The following DPP10 variants were observed in gnomAD, a reference collection of about 807,000 sequenced individuals.
DPP10 encodes the protein inactive dipeptidyl peptidase 10.
Under a neutral mutation model 120.9 loss-of-function variants are expected in DPP10, and 33 were observed. The observed-to-expected ratio is 0.27, with a 90% confidence interval of 0.21 to 0.37. DPP10 has a LOEUF of 0.37. Among genes scored for constraint, DPP10 ranks in the 10% least tolerant of loss-of-function variants. The pLI is 1.00. For missense variants in DPP10, 816 were observed against 942.8 expected (o/e 0.87, Z 1.76); for synonymous variants, 337 against 326.1 (o/e 1.03, Z -0.36).
At chr2:115,586,401 G>A (rs1034207760) in intron 5 of DPP10, among the ~76,000 whole-genome samples, 7 of 152,094 alleles carry the variant, frequency 4.6e-5, no homozygotes, top group East Asian at 1.9e-4. Context: ...TAGAATGTAT[G>A]ATAAAATACC....
intron 19 of DPP10, among the ~76,000 whole-genome samples, chr2:115,811,336 C>T (rs556977397): frequency 6.6e-6 from 1 of 152,194 alleles, no homozygotes; most frequent in South Asian, 2.1e-4. Context: ...TTTAAAATGG[C>T]AATTAAGAGA....
intron 1 of DPP10, among the ~76,000 whole-genome samples, chr2:114,949,171 C>T (rs1434547671): frequency 6.6e-6 from 1 of 152,112 alleles, no homozygotes; most frequent in Non-Finnish European, 1.5e-5. Context: ...GATGCACCCG[C>T]CTCGGCCTCC....
intron 1 of DPP10, among the ~76,000 whole-genome samples, chr2:114,610,929 A>G (rs1179314295): frequency 1.3e-5 from 2 of 151,230 alleles, no homozygotes; most frequent in African/African-American, 4.9e-5. Context: ...CCACGCACCC[A>G]GGCTGTGTTT....
chr2:114,582,742 G>C (rs1690638579), intron 1 of DPP10, among the ~76,000 whole-genome samples: 1 of 152,146 alleles, frequency 6.6e-6, no homozygotes, highest in Non-Finnish European at 1.5e-5. Context: ...TGTCTCCTTT[G>C]ATGAAGTGTC....
intron 5 of DPP10, among the ~76,000 whole-genome samples, chr2:115,531,494 C>T (rs12373620): frequency 6.6e-6 from 1 of 151,910 alleles, no homozygotes; most frequent in East Asian, 1.9e-4. Flanking sequence ...ACAATTATTT[C>T]TTCCTGGATT....
chr2:115,643,520 A>G (rs531087249), intron 5 of DPP10, among the ~76,000 whole-genome samples: 1 of 152,324 alleles, frequency 6.6e-6, no homozygotes, highest in East Asian at 1.9e-4. Flanking sequence ...GATATAATAG[A>G]TTAAAACAAA....
intron 1 of DPP10, among the ~76,000 whole-genome samples, chr2:115,108,752 G>A (rs765742774): frequency 6.6e-6 from 1 of 152,166 alleles, no homozygotes; most frequent in Non-Finnish European, 1.5e-5. Flanking sequence ...CCTGCTTGCA[G>A]GTCCTGAATG....
chr2:114,472,069 G>T (rs1679967363), intron 1 of DPP10, among the ~76,000 whole-genome samples: 1 of 152,178 alleles, frequency 6.6e-6, no homozygotes, highest in Non-Finnish European at 1.5e-5. Flanking sequence ...CCAACGAAAG[G>T]CAGGAGACTG....
chr2:115,337,396 T>A (rs74588387), intron 2 of DPP10, among the ~76,000 whole-genome samples: 2,776 of 152,096 alleles, frequency 0.018, 28 homozygotes, highest in African/African-American at 0.039. Flanking sequence ...ATTAATACAT[T>A]ATTAAAGAGA....
In DPP10 at chr2:115,495,567, T is replaced by C. The variant is rs560815959; in HGVS notation, c.272-3943T>C. Among the ~76,000 whole-genome samples the C allele has an allele frequency of 1.8e-4, 27 of 152,190 alleles. No homozygotes were observed. The East Asian group carries it at 4.8e-3, about 27-fold the overall frequency. Reference sequence around the variant, plus strand: ...TAAATTAACAATGGAAAATGCTTTATTATCTGCTTTGTGTGGAAGAGGTAT... The same window carrying C: ...TAAATTAACAATGGAAAATGCTTTACTATCTGCTTTGTGTGGAAGAGGTAT... On this transcript the variant is annotated intron_variant, in intron 3 of 25. Transcript: ENST00000410059.
intron 1 of DPP10, among the ~76,000 whole-genome samples, chr2:115,103,730 TGACTTTATTCCCTCTAC>T (rs1288575659): frequency 2.0e-5 from 3 of 152,226 alleles, no homozygotes; most frequent in Admixed American, 6.5e-5. Flanking sequence ...GAAAGGGGAA[TGACTTTATTCCCTCTAC>T]CTAGAATAGT....
intron 4 of DPP10, among the ~76,000 whole-genome samples, chr2:115,502,968 A>G (rs7588031): frequency 0.099 from 15,053 of 152,018 alleles, 1,408 homozygotes; most frequent in East Asian, 0.26. Flanking sequence ...CTCACAAAGC[A>G]CTAGGTTTAT....
chr2:115,583,515 C>T (rs760422786), intron 5 of DPP10, among the ~76,000 whole-genome samples: 39 of 152,192 alleles, frequency 2.6e-4, no homozygotes, highest in African/African-American at 4.8e-4. Context: ...CTGGGTTCAC[C>T]GGGGACTGTT....
At chr2:115,116,783 T>G (rs2049531877) in intron 1 of DPP10, among the ~76,000 whole-genome samples, 1 of 152,160 alleles carries the variant, frequency 6.6e-6, no homozygotes, top group African/African-American at 2.4e-5. Context: ...ACATTATGCT[T>G]TCCTCTTGAG....
chr2:114,610,898 GC>G (rs2105282830), intron 1 of DPP10, among the ~76,000 whole-genome samples: 1 of 151,762 alleles, frequency 6.6e-6, no homozygotes, highest in African/African-American at 2.4e-5. Flanking sequence ...CTCCCCTCAG[GC>G]CACCACCACC....
chr2:115,094,420 C>A (rs1463401607), intron 1 of DPP10, among the ~76,000 whole-genome samples: 1 of 152,122 alleles, frequency 6.6e-6, no homozygotes, highest in Admixed American at 6.5e-5. Flanking sequence ...CTTCGGCAAA[C>A]TTTCTCATTG....
At chr2:115,138,165 G>A (rs1436260301) in intron 1 of DPP10, among the ~76,000 whole-genome samples, 1 of 151,942 alleles carries the variant, frequency 6.6e-6, no homozygotes, top group African/African-American at 2.4e-5. Context: ...GTGGCTATCT[G>A]GAAGAAAAGA....
chr2:115,489,613 C>T (rs1222660680), intron 3 of DPP10, among the ~76,000 whole-genome samples: 2 of 140,604 alleles, frequency 1.4e-5, no homozygotes, highest in African/African-American at 2.6e-5. Context: ...AAAACTGGCG[C>T]TTTTTTTTTT....
chr2:114,730,079 G>A (rs1676745295), intron 1 of DPP10, among the ~76,000 whole-genome samples: 1 of 151,938 alleles, frequency 6.6e-6, no homozygotes, highest in South Asian at 2.1e-4. Flanking sequence ...TTATTTTTAA[G>A]CATTCTCTGA....
Sources: gnomAD v4.1 joint callset for allele counts (sites outside exome capture counted in the v4.1 genomes callset) on GRCh38, gnomAD v4.1.1 for gene constraint, MANE v1.5 for transcripts, NCBI Gene and HGNC (gene_info 2026-07-23, HGNC 2026-07-21) for gene names.